The following CCDC171 variants were observed in gnomAD, a reference collection of about 807,000 sequenced individuals.
CCDC171 encodes coiled-coil domain-containing protein 171.
CCDC171 carries 177 observed loss-of-function variants against 168.2 expected under a neutral mutation model. That is an observed-to-expected ratio of 1.05 (90% CI 0.93 to 1.19). The LOEUF (loss-of-function observed/expected upper bound fraction) is 1.19, where lower values mean the gene tolerates loss of function less well. Among genes scored for constraint, CCDC171 ranks in the 50% most tolerant of loss-of-function variants. CCDC171 has a pLI of 0.00. For synonymous variants in CCDC171, 687 were observed against 540.8 expected (o/e 1.27, Z -3.75); for missense variants, 1,991 against 1,539.0 (o/e 1.29, Z -4.91).
At chr9:15,715,988 G>A (rs2053054239) in intron 11 of CCDC171, among the ~76,000 whole-genome samples, 1 of 152,286 alleles carries the variant, frequency 6.6e-6, no homozygotes, top group African/African-American at 2.4e-5. Context: ...CTACTTAAAA[G>A]TGAGAGGGAG....
At chr9:15,593,543 C>T (rs2131504906) in intron 5 of CCDC171, among the ~76,000 whole-genome samples, 1 of 151,760 alleles carries the variant, frequency 6.6e-6, no homozygotes, top group East Asian at 1.9e-4. Flanking sequence ...TTTTCTTTGC[C>T]CCTTTTTCCC....
chr9:15,643,993 G>C lies in CCDC171; in HGVS notation c.823-13134G>C, dbSNP rs2046838912. Among the ~76,000 whole-genome samples the C allele has an allele frequency of 2.0e-5, 3 of 152,060 alleles. No individual in the cohort carries two copies. In the South Asian group the frequency reaches 6.2e-4, roughly 31 times the overall value. ...CATTCATTGGTTGATGGACATTTGGGTGCATTCCATCTTTGGCTGTTATAA... is the reference window on the plus strand; with the variant it reads ...CATTCATTGGTTGATGGACATTTGGCTGCATTCCATCTTTGGCTGTTATAA... On this transcript the variant is annotated intron_variant, in intron 7 of 25. Transcript: ENST00000380701.
intron 18 of CCDC171, among the ~76,000 whole-genome samples, chr9:15,766,683 T>C (rs2056739268): frequency 6.6e-6 from 1 of 151,854 alleles, no homozygotes; most frequent in Non-Finnish European, 1.5e-5. Context: ...ATAAGGGCTC[T>C]CTGTCTCTGT....
chr9:16,106,124 G>A, the CCDC171 span, among the ~76,000 whole-genome samples: 6 of 152,166 alleles, frequency 3.9e-5, no homozygotes, highest in Admixed American at 2.6e-4. Context: ...GGGGACAGTG[G>A]ATGTTTTCTG....
intron 18 of CCDC171, among the ~76,000 whole-genome samples, chr9:15,762,911 C>G (rs1311022470): frequency 6.6e-6 from 1 of 152,098 alleles, no homozygotes; most frequent in Non-Finnish European, 1.5e-5. Context: ...AGGAGTGTAG[C>G]TGAACTGCAC....
upstream of CCDC171, among the ~76,000 whole-genome samples, chr9:15,552,927 G>T (rs1041100074): frequency 6.6e-6 from 1 of 152,176 alleles, no homozygotes; most frequent in East Asian, 1.9e-4. Context: ...TGCTTGGCGG[G>T]CGGGCTCTTC....
At chr9:15,903,644 C>T (rs1186709414) in intron 24 of CCDC171, among the ~76,000 whole-genome samples, 1 of 152,216 alleles carries the variant, frequency 6.6e-6, no homozygotes, top group African/African-American at 2.4e-5. Context: ...AGGAACTCGG[C>T]TCCTCACCAG....
chr9:16,056,816 A>C (rs1176021674), intron 1 of CCDC171, among the ~76,000 whole-genome samples: 4 of 152,222 alleles, frequency 2.6e-5, no homozygotes, highest in Non-Finnish European at 5.9e-5. Context: ...AGTATAAAAA[A>C]TAATATAAGA....
intron 21 of CCDC171, among the ~76,000 whole-genome samples, chr9:15,844,129 C>T (rs929632496): frequency 2.6e-5 from 4 of 152,084 alleles, no homozygotes; most frequent in Non-Finnish European, 4.4e-5. Flanking sequence ...GGCTAACCTG[C>T]TGCTTATCAT....
intron 14 of CCDC171, among the ~76,000 whole-genome samples, chr9:15,726,254 C>T (rs920861489): frequency 6.6e-6 from 1 of 152,090 alleles, no homozygotes; most frequent in African/African-American, 2.4e-5. Context: ...ATGTCTACAG[C>T]GCTGTGGTTG....
chr9:15,619,498 C>G (rs909825910), intron 6 of CCDC171, among the ~76,000 whole-genome samples: 1 of 152,102 alleles, frequency 6.6e-6, no homozygotes, highest in Admixed American at 6.5e-5. Flanking sequence ...GAACAAGACC[C>G]TAACTCTCTT....
intron 23 of CCDC171, among the ~76,000 whole-genome samples, chr9:15,865,459 C>T (rs1009658116): frequency 9.3e-5 from 14 of 151,148 alleles, no homozygotes; most frequent in South Asian, 2.1e-4. Flanking sequence ...TCCACTTATA[C>T]GTGGATCTTC....
chr9:16,058,129 C>CA (rs1357137827), intron 1 of CCDC171, among the ~76,000 whole-genome samples: 4 of 151,992 alleles, frequency 2.6e-5, no homozygotes, highest in African/African-American at 9.7e-5. Context: ...GGGGACTATC[C>CA]AAAAAAATGA....
intron 21 of CCDC171, among the ~76,000 whole-genome samples, chr9:15,834,787 C>T (rs1426268704): frequency 6.6e-6 from 1 of 152,160 alleles, no homozygotes; most frequent in Non-Finnish European, 1.5e-5. Flanking sequence ...TATATGCACT[C>T]TACAAGGATT....
chr9:15,842,545 GATA>G (rs1214764516), intron 21 of CCDC171, among the ~76,000 whole-genome samples: 2 of 151,844 alleles, frequency 1.3e-5, no homozygotes, highest in East Asian at 3.9e-4. Context: ...GAAACTGAGA[GATA>G]ATATTATTTA....
At chr9:15,715,141 G>A (rs373990857) in intron 11 of CCDC171, among the ~76,000 whole-genome samples, 87 of 152,308 alleles carry the variant, frequency 5.7e-4, no homozygotes, top group African/African-American at 1.9e-3. Flanking sequence ...ACTCATCAAC[G>A]AAGCAGGGAC....
At chr9:15,626,034 A>G (rs997195779) in intron 7 of CCDC171, among the ~76,000 whole-genome samples, 1 of 152,160 alleles carries the variant, frequency 6.6e-6, no homozygotes, top group Non-Finnish European at 1.5e-5. Context: ...GGTCCTTCAC[A>G]TCCCTTGTAA....
At chr9:15,918,095 G>T in intron 24 of CCDC171, among the ~76,000 whole-genome samples, 1 of 151,602 alleles carries the variant, frequency 6.6e-6, no homozygotes, top group East Asian at 1.9e-4. Context: ...TTTGTATCCT[G>T]ACCATTGTAC....
Position 15,846,762 on chromosome 9 carries a change from A to G in CCDC171, c.3328A>G (p.Arg1110Gly). ...AGATCAATCTCTGCGTCAGCTCAAT[A>G]GACATCTTACCCAGCTGGAGCAGGA... ...RKDQSLRQLN[R>G]HLTQLEQDKR... Residue 1110 changes from arginine to glycine, a missense_variant, in exon 22 of 26, where the codon AGA (arginine) becomes GGA (glycine). By Grantham distance (125) the Arg-to-Gly change is moderately radical. Coordinates refer to ENST00000380701, the MANE Select transcript of CCDC171 (RefSeq NM_173550.4). 1 of 1,612,974 alleles carries G rather than the reference A, an allele frequency of 6.2e-7. No individual in the cohort carries two copies. Among genetic ancestry groups the G allele is most frequent in the Non-Finnish European group, 8.5e-7 (1 of 1,179,454 alleles).
Sources: gnomAD v4.1 joint callset for allele counts (sites outside exome capture counted in the v4.1 genomes callset) on GRCh38, gnomAD v4.1.1 for gene constraint, MANE v1.5 for transcripts, NCBI Gene and HGNC (gene_info 2026-07-23, HGNC 2026-07-21) for gene names.